KCNH1: variants seen among roughly 807,000 people sequenced by gnomAD.
The protein encoded by KCNH1 is voltage-gated delayed rectifier potassium channel KCNH1.
Under a neutral mutation model 69.2 loss-of-function variants are expected in KCNH1, and 27 were observed. That is an observed-to-expected ratio of 0.39 (90% CI 0.29 to 0.54). The LOEUF (loss-of-function observed/expected upper bound fraction) is 0.54. Ranked by LOEUF, KCNH1 falls within the 20% of genes least tolerant of loss-of-function variation. The pLI, the probability that KCNH1 is intolerant of heterozygous loss-of-function variation, is 0.68. For synonymous variants in KCNH1, 456 were observed against 487.7 expected, an observed-to-expected ratio of 0.93 and a Z score of 0.86; for missense variants, 798 against 1,261.6, an observed-to-expected ratio of 0.63 and a Z score of 5.57.
chr1:211,114,190 A>G (rs1344500209), intron 1 of KCNH1, among the ~76,000 whole-genome samples: 1 of 152,094 alleles, frequency 6.6e-6, no homozygotes, highest in African/African-American at 2.4e-5. Flanking sequence ...ACAAGAGGGG[A>G]AAAATAGGGC....
intron 7 of KCNH1, among the ~76,000 whole-genome samples, chr1:210,818,378 A>G (rs902562583): frequency 6.6e-6 from 1 of 152,102 alleles, no homozygotes; most frequent in Non-Finnish European, 1.5e-5. Flanking sequence ...TCTTGCCATT[A>G]CCCACATCAT....
chr1:211,121,504 C>T (rs187580087), intron 1 of KCNH1, among the ~76,000 whole-genome samples: 111 of 152,312 alleles, frequency 7.3e-4, no homozygotes, highest in African/African-American at 2.7e-3. Context: ...CAGACCCCTT[C>T]CTTACACCTT....
At chr1:210,856,370 T>C (rs941093756) in intron 7 of KCNH1, among the ~76,000 whole-genome samples, 1 of 152,104 alleles carries the variant, frequency 6.6e-6, no homozygotes, top group Non-Finnish European at 1.5e-5. Context: ...CAAATGAGCA[T>C]TAAGTGTAGA....
intron 10 of KCNH1, among the ~76,000 whole-genome samples, chr1:210,715,288 C>T (rs1217613521): frequency 6.6e-6 from 1 of 152,138 alleles, no homozygotes; most frequent in Non-Finnish European, 1.5e-5. Flanking sequence ...TCACTCCCTG[C>T]AAGAGGGTAG....
chr1:211,076,934 A>G (rs1299696090), intron 5 of KCNH1, among the ~76,000 whole-genome samples: 2 of 152,238 alleles, frequency 1.3e-5, no homozygotes, highest in Non-Finnish European at 2.9e-5. Context: ...TGGAGCTGAA[A>G]ACCATGGCAC....
At chr1:210,973,635 T>C (rs371804309) in intron 6 of KCNH1, among the ~76,000 whole-genome samples, 1 of 152,188 alleles carries the variant, frequency 6.6e-6, no homozygotes, top group Non-Finnish European at 1.5e-5. Context: ...TTCCTTCCAG[T>C]GTAGGTATAG....
intron 7 of KCNH1, among the ~76,000 whole-genome samples, chr1:210,811,744 A>G (rs1169045930): frequency 6.6e-6 from 1 of 152,160 alleles, no homozygotes; most frequent in African/African-American, 2.4e-5. Flanking sequence ...AAGTGCTCAG[A>G]GCAAAATAGT....
intron 6 of KCNH1, among the ~76,000 whole-genome samples, chr1:210,997,668 A>G (rs1352298492): frequency 2.0e-5 from 3 of 152,190 alleles, no homozygotes; most frequent in Non-Finnish European, 4.4e-5. Context: ...GGAATGCCAC[A>G]AAGATACTCC....
intron 10 of KCNH1, among the ~76,000 whole-genome samples, chr1:210,738,489 G>T (rs908362804): frequency 4.6e-5 from 7 of 151,058 alleles, no homozygotes; most frequent in African/African-American, 1.7e-4. Flanking sequence ...CAGTTGGAAT[G>T]GATCCATCCC....
At chr1:210,863,111 T>C (rs1415296792) in intron 7 of KCNH1, among the ~76,000 whole-genome samples, 1 of 152,194 alleles carries the variant, frequency 6.6e-6, no homozygotes, top group Non-Finnish European at 1.5e-5. Context: ...AGAACTTCCT[T>C]GAATCCATGA....
chr1:211,046,300 G>A (rs970187749), intron 5 of KCNH1, among the ~76,000 whole-genome samples: 4 of 152,052 alleles, frequency 2.6e-5, no homozygotes, highest in East Asian at 1.9e-4. Context: ...AGACAAGAAC[G>A]GATATGTTAT....
At chr1:210,709,297 T>C (rs1318705247) in intron 10 of KCNH1, among the ~76,000 whole-genome samples, 1 of 152,044 alleles carries the variant, frequency 6.6e-6, no homozygotes, top group Non-Finnish European at 1.5e-5. Flanking sequence ...CATACACGGA[T>C]GTGTTGATGA....
chr1:211,073,754 A>G (rs1032108913), intron 5 of KCNH1, among the ~76,000 whole-genome samples: 5 of 152,170 alleles, frequency 3.3e-5, no homozygotes. Flanking sequence ...TGCATATACT[A>G]GAAAAGAAAA....
chr1:210,756,578 A>G (rs987488332), intron 10 of KCNH1, among the ~76,000 whole-genome samples: 4 of 152,188 alleles, frequency 2.6e-5, no homozygotes, highest in African/African-American at 4.8e-5. Context: ...GGCCTTTGCT[A>G]CTATAGGCAG....
chr1:210,873,361 A>C (rs1260486915), intron 7 of KCNH1, among the ~76,000 whole-genome samples: 1 of 151,948 alleles, frequency 6.6e-6, no homozygotes, highest in Non-Finnish European at 1.5e-5. Context: ...TTATTTATTT[A>C]TTTTTTAGAG....
chr1:210,902,428 C>A (rs562724740), intron 7 of KCNH1, among the ~76,000 whole-genome samples: 1 of 152,284 alleles, frequency 6.6e-6, no homozygotes, highest in African/African-American at 2.4e-5. Context: ...CATCTGGTGA[C>A]CCCTGGGCCC....
At chr1:210,766,594 G>A (rs1045451930) in intron 10 of KCNH1, among the ~76,000 whole-genome samples, 1 of 152,170 alleles carries the variant, frequency 6.6e-6, no homozygotes, top group African/African-American at 2.4e-5. Flanking sequence ...AAGACAAGGG[G>A]CTTCATCTAG....
At chr1:210,901,224 C>T (rs1686987889) in intron 7 of KCNH1, among the ~76,000 whole-genome samples, 1 of 152,134 alleles carries the variant, frequency 6.6e-6, no homozygotes, top group Non-Finnish European at 1.5e-5. Context: ...ATGTAAGATA[C>T]TAGTCTCACA....
At chr1:210,847,260 G>T (rs1406430225) in intron 7 of KCNH1, among the ~76,000 whole-genome samples, 3 of 152,138 alleles carry the variant, frequency 2.0e-5, no homozygotes, top group Non-Finnish European at 2.9e-5. Flanking sequence ...AAATCGTGCT[G>T]CTATAAAGAC....
Sources: allele counts gnomAD v4.1 joint callset (sites outside exome capture counted in the v4.1 genomes callset), GRCh38; gene constraint gnomAD v4.1.1; transcripts MANE v1.5; gene names NCBI Gene and HGNC (gene_info 2026-07-23, HGNC 2026-07-21).